KCNIP4: variants seen among roughly 807,000 people sequenced by gnomAD.
KCNIP4 encodes Kv channel-interacting protein 4.
KCNIP4 carries 12 observed loss-of-function variants against 34.0 expected under a neutral mutation model. The observed-to-expected ratio is 0.35, with a 90% CI of 0.23 to 0.57. The LOEUF is 0.57. Ranked by LOEUF, KCNIP4 falls within the 20% of genes least tolerant of loss-of-function variation. The probability of loss-of-function intolerance (pLI) is 0.83; values close to 1 mark genes in which losing one functional copy is unlikely to be tolerated. For missense variants in KCNIP4, 238 were observed against 311.7 expected (o/e 0.76, Z 1.78); for synonymous variants, 124 against 102.2 (o/e 1.21, Z -1.29).
intron 1 of KCNIP4, among the ~76,000 whole-genome samples, chr4:21,262,094 T>C (rs1338029702): frequency 6.6e-6 from 1 of 152,216 alleles, no homozygotes; most frequent in African/African-American, 2.4e-5. Flanking sequence ...TTCAATATTT[T>C]AAACGCATGC....
chr4:20,773,398 C>T (rs528395558), intron 3 of KCNIP4, among the ~76,000 whole-genome samples: 1 of 152,260 alleles, frequency 6.6e-6, no homozygotes, highest in South Asian at 2.1e-4. Context: ...TTCAGTGCTT[C>T]CGAGCTCTCA....
At chr4:21,491,433 G>C (rs975284395) in intron 1 of KCNIP4, among the ~76,000 whole-genome samples, 3 of 152,108 alleles carry the variant, frequency 2.0e-5, no homozygotes, top group Non-Finnish European at 4.4e-5. Context: ...GGAGTGCAAT[G>C]GTGTGATCAT....
At chr4:21,241,711 T>G (rs965305753) in intron 1 of KCNIP4, among the ~76,000 whole-genome samples, 2 of 152,190 alleles carry the variant, frequency 1.3e-5, no homozygotes, top group Non-Finnish European at 2.9e-5. Flanking sequence ...ATTTTTAGTT[T>G]TCTTTTGTTT....
At chr4:21,602,814 C>T (rs1302032997) in intron 1 of KCNIP4, among the ~76,000 whole-genome samples, 4 of 151,932 alleles carry the variant, frequency 2.6e-5, no homozygotes, top group African/African-American at 4.8e-5. Context: ...AAATATAATG[C>T]TTAGTTCAAG....
chr4:21,180,241 C>T (rs1754742148), intron 1 of KCNIP4, among the ~76,000 whole-genome samples: 1 of 152,050 alleles, frequency 6.6e-6, no homozygotes, highest in Non-Finnish European at 1.5e-5. Flanking sequence ...CACAAAAATG[C>T]TCTTAAAGTA....
chr4:21,569,234 TAAAAAAAAAAAAAA>T (rs71191521), intron 1 of KCNIP4, among the ~76,000 whole-genome samples: 646 of 25,232 alleles, frequency 0.026, 25 homozygotes, highest in African/African-American at 0.079. Context: ...ACTGATATTC[TAAAAAAAAAAAAAA>T]AAAAAAAAAA....
chr4:20,736,457 TATG>T (rs2149282156), intron 5 of KCNIP4, among the ~76,000 whole-genome samples: 1 of 152,350 alleles, frequency 6.6e-6, no homozygotes, highest in Non-Finnish European at 1.5e-5. Context: ...TTGATTTCTG[TATG>T]ATAATTTTAT....
At chr4:21,720,308 A>G (rs940575373) in intron 1 of KCNIP4, among the ~76,000 whole-genome samples, 4 of 152,170 alleles carry the variant, frequency 2.6e-5, no homozygotes, top group African/African-American at 9.6e-5. Flanking sequence ...TAAATTGAAA[A>G]AAAAATCAGT....
At chr4:21,034,687 T>C (rs1324853580) in intron 1 of KCNIP4, among the ~76,000 whole-genome samples, 1 of 152,150 alleles carries the variant, frequency 6.6e-6, no homozygotes, top group Non-Finnish European at 1.5e-5. Context: ...TTAGTGTGAG[T>C]TCCATCTGTT....
chr4:21,623,356 A>T (rs1745112045), intron 1 of KCNIP4, among the ~76,000 whole-genome samples: 1 of 152,148 alleles, frequency 6.6e-6, no homozygotes, highest in African/African-American at 2.4e-5. Context: ...AGGAGATTAC[A>T]CCTATGAGGA....
chr4:21,546,557 A>T (rs1306013981), intron 1 of KCNIP4, among the ~76,000 whole-genome samples: 1 of 152,140 alleles, frequency 6.6e-6, no homozygotes, highest in African/African-American at 2.4e-5. Flanking sequence ...GAGAAGACAT[A>T]ACATATTCTA....
intron 1 of KCNIP4, among the ~76,000 whole-genome samples, chr4:21,472,755 T>C (rs1000772337): frequency 6.6e-6 from 1 of 152,194 alleles, no homozygotes. Context: ...ATTCAATCCT[T>C]GGTTTTTCTC....
rs116681660 is a variant in KCNIP4, at chr4:21,416,177, A to G, written c.61+532394T>C. Reference sequence around the variant, plus strand: ...CTCTATTTCTTTCTAACAAAGCCCAATGTATTTAATTCCTATAAATATTTT... The same window carrying G: ...CTCTATTTCTTTCTAACAAAGCCCAGTGTATTTAATTCCTATAAATATTTT... On this transcript the variant is annotated intron_variant, in intron 1 of 8. Coordinates refer to ENST00000382152, the MANE Select transcript of KCNIP4 (RefSeq NM_025221.6). Among the ~76,000 whole-genome samples, 551 of 152,346 alleles carry G rather than the reference A, an allele frequency of 3.6e-3. 4 individuals carry two copies. Among genetic ancestry groups the G allele is most frequent in the African/African-American group, 0.012 (519 of 41,586 alleles).
At chr4:21,263,853 G>A (rs1761625919) in intron 1 of KCNIP4, among the ~76,000 whole-genome samples, 1 of 151,856 alleles carries the variant, frequency 6.6e-6, no homozygotes, top group Non-Finnish European at 1.5e-5. Flanking sequence ...TGGTAGAGAT[G>A]AGATTTCACT....
chr4:21,440,015 C>T (rs1203086792), intron 1 of KCNIP4, among the ~76,000 whole-genome samples: 1 of 152,206 alleles, frequency 6.6e-6, no homozygotes, highest in African/African-American at 2.4e-5. Flanking sequence ...AGCTCAGGCT[C>T]CTCAAACACT....
intron 1 of KCNIP4, among the ~76,000 whole-genome samples, chr4:21,589,969 T>G (rs1742062902): frequency 6.6e-6 from 1 of 152,028 alleles, no homozygotes; most frequent in African/African-American, 2.4e-5. Context: ...TGATGCCATG[T>G]AAATTAAAAA....
intron 3 of KCNIP4, chr4:20,767,441 T>C (rs1036038912): frequency 6.6e-6 from 1 of 152,180 alleles, no homozygotes; most frequent in African/African-American, 2.4e-5. Context: ...GAAATCATCA[T>C]GGAAAGTGTT....
chr4:21,389,994 C>G, intron 1 of KCNIP4, among the ~76,000 whole-genome samples: 1 of 137,476 alleles, frequency 7.3e-6, no homozygotes, highest in South Asian at 2.5e-4. Context: ...GATTGCCCTT[C>G]TAACTACTGT....
intron 1 of KCNIP4, among the ~76,000 whole-genome samples, chr4:21,060,705 G>C (rs1202710221): frequency 6.6e-6 from 1 of 152,160 alleles, no homozygotes; most frequent in Non-Finnish European, 1.5e-5. Context: ...CCCTCCAAAT[G>C]CAAGCATCTA....
Sources: allele counts gnomAD v4.1 joint callset (sites outside exome capture counted in the v4.1 genomes callset), GRCh38; gene constraint gnomAD v4.1.1; transcripts MANE v1.5; gene names NCBI Gene and HGNC (gene_info 2026-07-23, HGNC 2026-07-21).